KCNK7: variants seen among roughly 807,000 people sequenced by gnomAD.
KCNK7 encodes the protein potassium two pore domain channel subfamily K member 7.
KCNK7 carries 14 observed loss-of-function variants against 18.1 expected under a neutral mutation model. The observed-to-expected ratio is 0.77, with a 90% CI of 0.51 to 1.21. The LOEUF (loss-of-function observed/expected upper bound fraction) is 1.21. Among genes scored for constraint, KCNK7 ranks in the 50% most tolerant of loss-of-function variants. The probability of loss-of-function intolerance (pLI) is 0.00; values close to 1 mark genes in which losing one functional copy is unlikely to be tolerated. For synonymous variants in KCNK7, 188 were observed against 184.7 expected, an observed-to-expected ratio of 1.02 and a Z score of -0.15; for missense variants, 385 against 387.3, an observed-to-expected ratio of 0.99 and a Z score of 0.05.
chr11:65,593,705 C>T lies in KCNK7; in HGVS notation c.489G>A (p.Pro163=), dbSNP rs367658933. The T allele has an allele frequency of 1.6e-5, 26 of 1,608,472 alleles. No individual in the cohort carries two copies. The highest frequency in any genetic ancestry group is 6.7e-5 in the African/African-American group (5 of 74,890). Residue 163 remains proline, a synonymous_variant, in exon 2 of 3, where the codon CCG becomes CCA. Coordinates refer to ENST00000340313, the MANE Select transcript of KCNK7 (RefSeq NM_033347.2). ...CTGCCTGCAGCAGCGCAGCCCTGGC[C>T]GGTGACAGCTGCCAGTGGACCGCTA... ...AWVAVHWQLS[P]ARAALLQAVA... is the part of the protein sequence containing the mutation.
chr11:65,593,493 C>T lies in KCNK7; in HGVS notation c.701G>A (p.Gly234Asp). 1 of 1,613,656 alleles carries T rather than the reference C, an allele frequency of 6.2e-7. No individual in the cohort carries two copies. Among genetic ancestry groups the T allele is most frequent in the Non-Finnish European group, 8.5e-7 (1 of 1,179,996 alleles). Residue 234 changes from glycine (G) to aspartate (D), a missense_variant, in exon 2 of 3, where the codon GGC becomes GAC. Gly to Asp is a moderately conservative substitution (Grantham distance 94, BLOSUM62 -1). Transcript: ENST00000340313. ...GGACTTACCAAGAAGTGCGAGCTGG[C>T]CCAGGTGGTAAATCACGGGGTGCAG... ...RSLHPVIYHL[G>D]QLALLGYLLL...
Position 65,592,898 on chromosome 11 carries a change from G to A in KCNK7, c.*107C>T, listed in dbSNP as rs1858425280. ...TTAACAGTATCCTCTGAGGCCTCCC[G>A]CCCACCCTCACCGCGGCTCCATCTC... On this transcript the variant is annotated 3_prime_UTR_variant, in exon 3 of 3. Coordinates refer to ENST00000340313, the MANE Select transcript of KCNK7 (RefSeq NM_033347.2). 19 of 1,348,140 alleles carry A rather than the reference G, an allele frequency of 1.4e-5. No individual in the cohort carries two copies. In the South Asian group the frequency reaches 2.6e-4, roughly 18 times the overall value. 83.5% of individuals were successfully genotyped at this position (1,348,140 alleles called of 1,614,324 possible).
rs769332440 is a variant in KCNK7, at chr11:65,593,710, A to G, written c.484T>C (p.Ser162Pro). Residue 162 changes from serine to proline, a missense_variant, in exon 2 of 3, where the codon TCA (serine) becomes CCA (proline). Ser to Pro is a moderately conservative substitution (Grantham distance 74). Transcript: ENST00000340313. Reference sequence around the variant, plus strand: ...TGCAGCAGCGCAGCCCTGGCCGGTGACAGCTGCCAGTGGACCGCTACCCAG... The same window carrying G: ...TGCAGCAGCGCAGCCCTGGCCGGTGGCAGCTGCCAGTGGACCGCTACCCAG... ...RAWVAVHWQL[S>P]PARAALLQAV... The G allele has an allele frequency of 6.2e-7, 1 of 1,609,154 alleles. No homozygotes were observed. Among genetic ancestry groups the G allele is most frequent in the South Asian group, 1.1e-5 (1 of 91,012 alleles).
intron 1 of KCNK7, among the ~76,000 whole-genome samples, chr11:65,594,740 C>T (rs897622752): frequency 2.0e-5 from 3 of 152,026 alleles, no homozygotes; most frequent in African/African-American, 7.2e-5. Flanking sequence ...CATGGTGGTG[C>T]ATGCCTGTAG....
rs1421952339 is a variant in KCNK7, at chr11:65,593,223, A to C, written c.719-13T>G. Reference sequence around the variant, plus strand: ...AGAAGCAAGTAACCTGGGGAGGAGAAGGTGCTGGGGCAGCGCCTGGGTTCT... The same window carrying C: ...AGAAGCAAGTAACCTGGGGAGGAGACGGTGCTGGGGCAGCGCCTGGGTTCT... On this transcript the variant is annotated splice_polypyrimidine_tract_variant and intron_variant, in intron 2 of 2. Coordinates refer to ENST00000340313, the MANE Select transcript of KCNK7 (RefSeq NM_033347.2). The C allele has an allele frequency of 6.2e-7, 1 of 1,612,846 alleles. No homozygotes were observed. The highest frequency in any genetic ancestry group is 8.5e-7 in the Non-Finnish European group (1 of 1,179,514).
In KCNK7 at chr11:65,595,693, AC is replaced by A; in HGVS notation, c.79del (p.Val27CysfsTer108). The A allele has an allele frequency of 6.2e-7, 1 of 1,600,532 alleles. No homozygotes were observed. On this transcript the variant is annotated frameshift_variant, in exon 1 of 3. Transcript: ENST00000340313. LOFTEE classifies it high-confidence loss of function. Reference sequence around the variant, plus strand: ...AGGAGGCCCCTCCAGGGCCTGGAACACCACAGCCCCAAGCCCCAGGGCCAGC... The same window carrying A: ...AGGAGGCCCCTCCAGGGCCTGGAACACACAGCCCCAAGCCCCAGGGCCAGC... ...HLLALGLGAVVFQALEGPPAC... is the reference protein window; with the variant it reads ...HLLALGLGAVXFQALEGPPAC...
chr11:65,593,170 C>T lies in KCNK7; in HGVS notation c.759G>A (p.Val253=). The stretch of plus-strand genomic sequence containing the variant: ...CCTGCGGCAGCTCAGAGAAGGTCTC[C>T]ACTGCCAGCAGCATGGCCAAGAGTC... ...LLGLLAMLLA[V]ETFSELPQVR... is the part of the protein sequence containing the mutation. The change falls in exon 3 of 3, where the codon GTG becomes GTA. Residue 253 remains valine (V), a synonymous_variant. Transcript: ENST00000340313. 6.2e-7 allele frequency: 1 copy of T among 1,613,614 alleles called. No homozygotes were observed. Among genetic ancestry groups the T allele is most frequent in the Non-Finnish European group, 8.5e-7 (1 of 1,179,812 alleles).
intron 1 of KCNK7, among the ~76,000 whole-genome samples, chr11:65,595,094 C>T (rs780931718): frequency 2.0e-5 from 3 of 152,168 alleles, no homozygotes; most frequent in African/African-American, 7.2e-5. Flanking sequence ...CTCCCCCACC[C>T]GAGGCCATGG....
chr11:65,595,700 C>T lies in KCNK7; in HGVS notation c.73G>A (p.Ala25Thr). 6.3e-7 allele frequency: 1 copy of T among 1,596,582 alleles called. No homozygotes were observed. The highest frequency in any genetic ancestry group is 8.5e-7 in the Non-Finnish European group (1 of 1,170,056). ...VAHLLALGLG[A>T]VVFQALEGPP... The stretch of plus-strand genomic sequence containing the variant: ...CCCTCCAGGGCCTGGAACACCACAG[C>T]CCCAAGCCCCAGGGCCAGCAAGTGG... The change falls in exon 1 of 3, where the codon GCT becomes ACT. Residue 25 changes from alanine (A) to threonine (T), a missense_variant. Ala to Thr is a moderately conservative substitution (Grantham distance 58). Coordinates refer to ENST00000340313, the MANE Select transcript of KCNK7 (RefSeq NM_033347.2).
chr11:65,595,231 C>G (rs1211966936), intron 1 of KCNK7, among the ~76,000 whole-genome samples: 1 of 152,218 alleles, frequency 6.6e-6, no homozygotes, highest in African/African-American at 2.4e-5. Flanking sequence ...CAAAGGGTGC[C>G]TGGGGTGGGA....
rs1016746731 is a variant in KCNK7 at position 65,595,486 on chromosome 11, A to T, written c.287T>A (p.Leu96Gln). The change falls in exon 1 of 3, where the codon CTG becomes CAG. Residue 96 changes from leucine (L) to glutamine (Q), a missense_variant. Coordinates refer to ENST00000340313, the MANE Select transcript of KCNK7 (RefSeq NM_033347.2). The stretch of plus-strand genomic sequence containing the variant: ...GGTGAGGATGCTGGCAGCGAAGAGC[A>T]GGGCTGAGGGAAGGTCCCAGGTCCT... ...EGRTWDLPSA[L>Q]LFAASILTTT... 6.8e-7 allele frequency: 1 copy of T among 1,471,696 alleles called. No individual in the cohort carries two copies. The highest frequency in any genetic ancestry group is 1.9e-4 in the Middle Eastern group (1 of 5,168). 91.2% of individuals were successfully genotyped at this position (1,471,696 alleles called of 1,614,324 possible). A position where few individuals can be genotyped will look rare whatever the true frequency, so the allele number is the denominator to read the frequency against.
rs748770805 is a variant in KCNK7, at chr11:65,592,970, CCACCTTACG to C, written c.*26_*34del. On this transcript the variant is annotated 3_prime_UTR_variant, in exon 3 of 3. Transcript: ENST00000340313. ...CTGGCTGCTTCCTCCTCAGGTGCCG[CCACCTTACG>C]GAGCTGAACTCGGTCACCTGACGCT... 438 of 1,597,886 alleles carry C rather than the reference CCACCTTACG, an allele frequency of 2.7e-4. 6 individuals are homozygous for C. The South Asian group carries it at 4.6e-3, about 17-fold the overall frequency.
rs150893696 is a variant in KCNK7 at position 65,595,468 on chromosome 11, A to T, written c.305T>A (p.Ile102Asn). The T allele has an allele frequency of 6.9e-7, 1 of 1,453,436 alleles. No homozygotes were observed. Among genetic ancestry groups the T allele is most frequent in the East Asian group, 2.4e-5 (1 of 42,344 alleles). The allele number at this position is 1,453,436 out of a possible 1,614,324, so 90.0% of individuals were successfully genotyped here. Residue 102 changes from isoleucine to asparagine, a missense_variant, in exon 1 of 3, where the codon ATC becomes AAC. Transcript: ENST00000340313. ...GGCTCTCTTACCTGTGGTGGTGAGG[A>T]TGCTGGCAGCGAAGAGCAGGGCTGA... ...LPSALLFAAS[I>N]LTTTGYGHMA...
chr11:65,593,589 GC>G lies in KCNK7; in HGVS notation c.604del (p.Ala202ProfsTer28). The G allele has an allele frequency of 6.2e-7, 1 of 1,606,350 alleles. No homozygotes were observed. Reference protein sequence around the residue: ...GLQGDCSLLGAVYFCFSSLST... With the variant: ...GLQGDCSLLGXVYFCFSSLST... ...GAGCGAGCTGAAGCAGAAGTAGACG[GC>G]CCCCAGCAGGCTGCAGTCGCCCTGA... On this transcript the variant is annotated frameshift_variant, in exon 2 of 3. Coordinates refer to ENST00000340313, the MANE Select transcript of KCNK7 (RefSeq NM_033347.2). LOFTEE classifies it high-confidence loss of function.
intron 2 of KCNK7, 29 bp from the exon 3 acceptor site, chr11:65,593,239 C>CTGGGTT (rs1422471060): frequency 6.2e-7 from 1 of 1,613,206 alleles, no homozygotes; most frequent in East Asian, 2.2e-5. Context: ...TGGGGCAGCG[C>CTGGGTT]CTGGGTTCTG....
chr11:65,593,456 T>C lies in KCNK7; in HGVS notation c.718+20A>G, dbSNP rs1232793212. ...TCCTCTTCCCCCTTCCCCCACACGC[T>C]GTTAGGTGGCTGGACTTACCAAGAA... On this transcript the variant is annotated intron_variant, in intron 2 of 2. Transcript: ENST00000340313. 1.9e-6 allele frequency: 3 copies of C among 1,613,694 alleles called. No individual in the cohort carries two copies. Among genetic ancestry groups the C allele is most frequent in the African/African-American group, 1.3e-5 (1 of 74,968 alleles).
In KCNK7 at chr11:65,593,459, T is replaced by G. The variant is rs1324426894; in HGVS notation, c.718+17A>C. The G allele has an allele frequency of 1.2e-6, 2 of 1,613,644 alleles. No individual in the cohort carries two copies. Among genetic ancestry groups the G allele is most frequent in the South Asian group, 2.2e-5 (2 of 91,076 alleles). The stretch of plus-strand genomic sequence containing the variant: ...TCTTCCCCCTTCCCCCACACGCTGT[T>G]AGGTGGCTGGACTTACCAAGAAGTG... On this transcript the variant is annotated intron_variant, in intron 2 of 2. Transcript: ENST00000340313.
At position 65,595,448 on chromosome 11, in the gene KCNK7, T is replaced by G. The variant is rs530937172; in HGVS notation, c.319+6A>C. 1.0e-4 allele frequency: 142 copies of G among 1,427,078 alleles called. 1 individual carries two copies. The highest frequency in any genetic ancestry group is 4.6e-6 in the Non-Finnish European group (5 of 1,076,034). The allele number at this position is 1,427,078 out of a possible 1,614,324, so 88.4% of individuals were successfully genotyped here. ...ACCCCCCGACTTGGCTGCCTGGCTCTCTTACCTGTGGTGGTGAGGATGCTG... is the reference window on the plus strand; with the variant it reads ...ACCCCCCGACTTGGCTGCCTGGCTCGCTTACCTGTGGTGGTGAGGATGCTG... On this transcript the variant is annotated splice_donor_region_variant and intron_variant, in intron 1 of 2. Coordinates refer to ENST00000340313, the MANE Select transcript of KCNK7 (RefSeq NM_033347.2).
chr11:65,593,174 G>A lies in KCNK7; in HGVS notation c.755C>T (p.Ala252Val), dbSNP rs1858452423. The A allele has an allele frequency of 6.2e-7, 1 of 1,613,468 alleles. No homozygotes were observed. Among genetic ancestry groups the A allele is most frequent in the African/African-American group, 1.3e-5 (1 of 74,902 alleles). Residue 252 changes from alanine to valine, a missense_variant, in exon 3 of 3, where the codon GCA becomes GTA. Ala to Val is a moderately conservative substitution (Grantham distance 64). Transcript: ENST00000340313. ...CGGCAGCTCAGAGAAGGTCTCCACT[G>A]CCAGCAGCATGGCCAAGAGTCCTAG... Reference protein sequence around the residue: ...LLLGLLAMLLAVETFSELPQV... With the variant: ...LLLGLLAMLLVVETFSELPQV...
Sources: allele counts gnomAD v4.1 joint callset (sites outside exome capture counted in the v4.1 genomes callset), GRCh38; gene constraint gnomAD v4.1.1; transcripts MANE v1.5; gene names NCBI Gene and HGNC (gene_info 2026-07-23, HGNC 2026-07-21).